OCIAD1: variants seen among roughly 807,000 people sequenced by gnomAD.
OCIAD1 encodes the protein OCIA domain containing 1.
OCIAD1 carries 29 observed loss-of-function variants against 38.9 expected under a neutral mutation model. That is an observed-to-expected ratio of 0.74 (90% CI 0.55 to 1.02). The LOEUF (loss-of-function observed/expected upper bound fraction) is 1.02. OCIAD1 is among the 50% of genes least tolerant of loss of function. OCIAD1 has a pLI of 0.00. For missense variants in OCIAD1, 288 were observed against 289.6 expected (o/e 0.99, Z 0.04); for synonymous variants, 110 against 92.0 (o/e 1.20, Z -1.12).
At chr4:48,829,293 A>G (rs1777303653), upstream of OCIAD1, among the ~76,000 whole-genome samples, 1 of 151,982 alleles carries the variant, frequency 6.6e-6, no homozygotes, top group Non-Finnish European at 1.5e-5. Context: ...TTGCTTTAAC[A>G]TAAAGCTCAC....
intron 1 of OCIAD1, among the ~76,000 whole-genome samples, chr4:48,816,043 C>G (rs1777139100): frequency 6.6e-6 from 1 of 152,202 alleles, no homozygotes; most frequent in Non-Finnish European, 1.5e-5. Context: ...ATATCTTCAA[C>G]TACTTTGTCT....
intron 4 of OCIAD1, among the ~76,000 whole-genome samples, chr4:48,846,822 A>C (rs1355530592): frequency 2.6e-5 from 4 of 151,958 alleles, no homozygotes; most frequent in Admixed American, 2.0e-4. Context: ...TTTTATAGGG[A>C]GTGCTGGTTT....
In OCIAD1 at chr4:48,860,824, T is replaced by C; in HGVS notation, c.*62T>C. The C allele has an allele frequency of 1.7e-6, 2 of 1,169,442 alleles. No homozygotes were observed. The highest frequency in any genetic ancestry group is 2.6e-6 in the Non-Finnish European group (2 of 779,278). The allele number at this position is 1,169,442 out of a possible 1,614,324, so 72.4% of individuals were successfully genotyped here. ...CCAGCTTCATCTAGGTGGTCATGAT[T>C]ACCTGCATGCTTTGAGCTCAGCAGC... On this transcript the variant is annotated 3_prime_UTR_variant, in exon 9 of 9. Transcript: ENST00000264312.
chr4:48,857,157 G>A (rs1489102402), intron 7 of OCIAD1, 56 bp from the exon 8 acceptor site: 1 of 1,123,880 alleles, frequency 8.9e-7, no homozygotes, highest in East Asian at 2.8e-5. Context: ...AAATTTAGTT[G>A]CTTTAGAGTT....
chr4:48,850,096 T>C lies in OCIAD1; in HGVS notation c.377+14T>C, dbSNP rs928672002. On this transcript the variant is annotated intron_variant, in intron 6 of 8. Transcript: ENST00000264312. ...TTCACCACCTGGGTAGGCCAGATTC[T>C]GATCTTTACTTAAGATTTTTAATTT... is the stretch of plus-strand genomic sequence containing the variant. 1.2e-5 allele frequency: 20 copies of C among 1,605,930 alleles called. No homozygotes were observed. The highest frequency in any genetic ancestry group is 3.4e-6 in the Non-Finnish European group (4 of 1,177,828).
In OCIAD1 at chr4:48,833,443, T is replaced by C. The variant is rs753611336; in HGVS notation, c.101T>C (p.Val34Ala). The C allele has an allele frequency of 6.2e-7, 1 of 1,606,812 alleles. No homozygotes were observed. The change falls in exon 3 of 9, where the codon GTC becomes GCC. Residue 34 changes from valine to alanine, a missense_variant. Physicochemically the swap from Val to Ala is moderately conservative, Grantham distance 64. Coordinates refer to ENST00000264312, the MANE Select transcript of OCIAD1 (RefSeq NM_017830.4). ...DYIPTEEERR[V>A]FAECNDESFW... Reference sequence around the variant, plus strand: ...ATTCCAACAGAGGAAGAAAGGAGAGTCTTCGCAGAATGCAATGATGAAAGC... The same window carrying C: ...ATTCCAACAGAGGAAGAAAGGAGAGCCTTCGCAGAATGCAATGATGAAAGC...
upstream of OCIAD1, among the ~76,000 whole-genome samples, chr4:48,829,087 C>G (rs1210902421): frequency 6.6e-6 from 1 of 152,120 alleles, no homozygotes; most frequent in Admixed American, 6.5e-5. Context: ...TAGTGAAACT[C>G]TGTCTCTTCT....
Position 48,851,911 on chromosome 4 carries a change from A to T in OCIAD1, c.483A>T (p.Pro161=). The T allele has an allele frequency of 6.2e-7, 1 of 1,610,586 alleles. No homozygotes were observed. The highest frequency in any genetic ancestry group is 8.5e-7 in the Non-Finnish European group (1 of 1,176,904). The change falls in exon 7 of 9, where the codon CCA becomes CCT. Residue 161 remains proline, a synonymous_variant. Coordinates refer to ENST00000264312, the MANE Select transcript of OCIAD1 (RefSeq NM_017830.4). ...DNIEMLPHYE[P]IPFSSSMNES... ...TAGAAATGCTTCCTCATTATGAGCC[A>T]ATTCCATTCAGTTCTTCTATGAATG... is the stretch of plus-strand genomic sequence containing the variant.
At chr4:48,820,618 T>G (rs562764463) in intron 1 of OCIAD1, among the ~76,000 whole-genome samples, 2 of 152,256 alleles carry the variant, frequency 1.3e-5, no homozygotes, top group South Asian at 4.1e-4. Context: ...CAGGAGCTGG[T>G]TTTTTGAAAA....
chr4:48,859,837 A>AT (rs1780441974), intron 8 of OCIAD1, among the ~76,000 whole-genome samples: 2 of 152,196 alleles, frequency 1.3e-5, no homozygotes, highest in Admixed American at 1.3e-4. Context: ...AATTTAAAAA[A>AT]TTCAAGCACA....
At chr4:48,813,464 G>A (rs1217049362) in intron 1 of OCIAD1, among the ~76,000 whole-genome samples, 5 of 152,170 alleles carry the variant, frequency 3.3e-5, no homozygotes, top group African/African-American at 1.2e-4. Context: ...GGCCAGCCTG[G>A]GCAACATGGT....
intron 8 of OCIAD1, among the ~76,000 whole-genome samples, chr4:48,859,847 A>T (rs1032897031): frequency 1.3e-5 from 2 of 152,224 alleles, no homozygotes; most frequent in African/African-American, 4.8e-5. Context: ...ATTCAAGCAC[A>T]TATTCCATTA....
upstream of OCIAD1, among the ~76,000 whole-genome samples, chr4:48,828,464 C>G (rs575688882): frequency 6.6e-6 from 1 of 152,206 alleles, no homozygotes; most frequent in African/African-American, 2.4e-5. Flanking sequence ...CCCTTCCACA[C>G]TGTGGAAGCT....
At chr4:48,813,898 AAT>A (rs1777115862) in intron 1 of OCIAD1, among the ~76,000 whole-genome samples, 1 of 152,228 alleles carries the variant, frequency 6.6e-6, no homozygotes, top group South Asian at 2.1e-4. Flanking sequence ...GAGTTGTAAA[AAT>A]ATATGTTTTA....
chr4:48,838,358 G>C (rs960756465), intron 3 of OCIAD1, among the ~76,000 whole-genome samples: 1 of 151,840 alleles, frequency 6.6e-6, no homozygotes. Flanking sequence ...ATAAGGACAG[G>C]CTGAAAGACA....
At chr4:48,836,144 T>G (rs573172012) in intron 3 of OCIAD1, among the ~76,000 whole-genome samples, 1 of 152,316 alleles carries the variant, frequency 6.6e-6, no homozygotes, top group South Asian at 2.1e-4. Flanking sequence ...AAGTTGTACT[T>G]GGTAAAATCT....
At chr4:48,816,578 A>T (rs562160927) in intron 1 of OCIAD1, among the ~76,000 whole-genome samples, 2 of 152,190 alleles carry the variant, frequency 1.3e-5, no homozygotes, top group South Asian at 4.1e-4. Context: ...GCTTTTGTTG[A>T]ATAAATATTG....
rs1437922564 is a variant in OCIAD1 at position 48,840,400 on chromosome 4, G to T, written c.140-2236G>T. 2.0e-5 allele frequency among the ~76,000 whole-genome samples: 3 copies of T among 152,194 alleles called. No homozygotes were observed. The East Asian group carries it at 5.8e-4, about 29-fold the overall frequency. On this transcript the variant is annotated intron_variant, in intron 3 of 8. Transcript: ENST00000264312. ...AAAACCTTAAATGATAAATGATAATGCATGAAGGCATTCTAACTAGCCAAC... is the reference window on the plus strand; with the variant it reads ...AAAACCTTAAATGATAAATGATAATTCATGAAGGCATTCTAACTAGCCAAC...
chr4:48,817,701 A>G (rs935374568), intron 1 of OCIAD1, among the ~76,000 whole-genome samples: 3 of 152,252 alleles, frequency 2.0e-5, no homozygotes, highest in African/African-American at 7.2e-5. Flanking sequence ...CTGCCAGCAC[A>G]GCAGTCTGAA....
Sources: allele counts gnomAD v4.1 joint callset (sites outside exome capture counted in the v4.1 genomes callset), GRCh38; gene constraint gnomAD v4.1.1; transcripts MANE v1.5; gene names NCBI Gene and HGNC (gene_info 2026-07-23, HGNC 2026-07-21).